IFT172: variants seen among roughly 807,000 people sequenced by gnomAD.
IFT172 encodes intraflagellar transport 172, also known as intraflagellar transport protein 172 homolog.
IFT172 carries 164 observed loss-of-function variants against 248.9 expected under a neutral mutation model. The observed-to-expected ratio is 0.66, with a 90% CI of 0.58 to 0.75. The LOEUF is 0.75. IFT172 is among the 30% of genes least tolerant of loss of function. IFT172 has a pLI of 0.00. For missense variants in IFT172, 1,950 were observed against 2,192.4 expected, an observed-to-expected ratio of 0.89 and a Z score of 2.21; for synonymous variants, 729 against 791.6, an observed-to-expected ratio of 0.92 and a Z score of 1.33.
rs1411593484 is a variant in IFT172, at chr2:27,448,387, CTG to C, written c.4429-467_4429-466del. Reference sequence around the variant, plus strand: ...GTGTTGGGATTACAGGCGTGAGCCACTGCGCCCGGCCAACAGTGGCAGATTAT... The same window carrying C: ...GTGTTGGGATTACAGGCGTGAGCCACCGCCCGGCCAACAGTGGCAGATTAT... On this transcript the variant is annotated intron_variant, in intron 40 of 47. Coordinates refer to ENST00000260570, the MANE Select transcript of IFT172 (RefSeq NM_015662.3). Among the ~76,000 whole-genome samples the C allele has an allele frequency of 5.2e-3, 785 of 152,372 alleles. 4 individuals carry two copies. The highest frequency in any genetic ancestry group is 0.018 in the African/African-American group (747 of 41,592).
chr2:27,454,919 G>A lies in IFT172; in HGVS notation c.3372-259C>T, dbSNP rs1435780996. Among the ~76,000 whole-genome samples, 1 of 152,164 alleles carries A rather than the reference G, an allele frequency of 6.6e-6. No individual in the cohort carries two copies. The highest frequency in any genetic ancestry group is 1.5e-5 in the Non-Finnish European group (1 of 68,012). On this transcript the variant is annotated intron_variant, in intron 30 of 47. Transcript: ENST00000260570. This position sits in a 1 kb window ranked among gnomAD's most constrained non-coding sequence, Gnocchi z 4.2. ...TTCCCTGAGGCCAGCTGCTCCTGAG[G>A]AATTAGTTTGGGCCTGCGAAGGGGA...
Position 27,485,032 on chromosome 2 carries a change from C to T in IFT172, c.282G>A (p.Lys94=), listed in dbSNP as rs749078135. Residue 94 remains lysine (K), a synonymous_variant, in exon 3 of 48, where the codon AAG becomes AAA. Transcript: ENST00000260570. ...TCTATCCTCACCAATCTTCTCCAAT[C>T]TTGTAGACATAGATGATGTTGTCAG... is the stretch of plus-strand genomic sequence containing the variant. ...GQTDNIIYVY[K]IGEDWGDKKV... The T allele has an allele frequency of 3.2e-6, 5 of 1,578,624 alleles. No individual in the cohort carries two copies. The Admixed American group carries it at 6.7e-5, about 21-fold the overall frequency.
chr2:27,467,614 A>C (rs1489676447), intron 16 of IFT172, among the ~76,000 whole-genome samples: 6 of 49,974 alleles, frequency 1.2e-4, no homozygotes, highest in Non-Finnish European at 2.3e-4. Flanking sequence ...CCCTGTCTCC[A>C]AAAAAAAAAA....
At chr2:27,486,882 ATC>A (rs1469678457) in intron 1 of IFT172, among the ~76,000 whole-genome samples, 2 of 152,020 alleles carry the variant, frequency 1.3e-5, no homozygotes, top group Non-Finnish European at 2.9e-5. Context: ...ATGAGCACAA[ATC>A]TCTGTCTTTT....
chr2:27,478,103 A>C lies in IFT172; in HGVS notation c.1059T>G (p.Tyr353Ter). 6.2e-7 allele frequency: 1 copy of C among 1,614,120 alleles called. No individual in the cohort carries two copies. Among genetic ancestry groups the C allele is most frequent in the Non-Finnish European group, 8.5e-7 (1 of 1,180,018 alleles). ...TTTTCACCTCTTCCACCTCATAGCC[A>C]TAGTGTGACTTGAGCACCACTCGGG... ...SGTRVVLKSHYGYEVEEVKIL... is the reference protein window; with the variant it reads ...SGTRVVLKSH The change falls in exon 11 of 48, where the codon TAT (tyrosine) becomes TAG (stop). Residue 353 changes from tyrosine to a stop codon, truncating the protein, a stop_gained. Coordinates refer to ENST00000260570, the MANE Select transcript of IFT172 (RefSeq NM_015662.3). LOFTEE classifies it high-confidence loss of function.
At chr2:27,449,081 C>G in intron 39 of IFT172, 50 bp from the exon 40 acceptor site, 1 of 1,195,662 alleles carries the variant, frequency 8.4e-7, no homozygotes, top group Non-Finnish European at 1.3e-6. Context: ...TCGGCAAGAC[C>G]AAGCAGTGAG....
chr2:27,483,806 A>T, intron 5 of IFT172, 66 bp downstream of exon 5: 1 of 1,469,544 alleles, frequency 6.8e-7, no homozygotes. Context: ...AGGATGAACC[A>T]TATTCCTCTC....
chr2:27,446,766 C>T (rs1365163611), intron 42 of IFT172, among the ~76,000 whole-genome samples: 3 of 138,356 alleles, frequency 2.2e-5, no homozygotes, highest in Non-Finnish European at 1.5e-5. Flanking sequence ...GTGGCGCAAT[C>T]TCGGCTCACT....
chr2:27,447,818 G>C lies in IFT172; in HGVS notation c.4533C>G (p.Phe1511Leu). The C allele has an allele frequency of 6.2e-7, 1 of 1,611,340 alleles. No homozygotes were observed. Among genetic ancestry groups the C allele is most frequent in the African/African-American group, 1.3e-5 (1 of 74,996 alleles). The change falls in exon 41 of 48, where the codon TTC (phenylalanine) becomes TTG (leucine). Residue 1511 changes from phenylalanine (F) to leucine (L), a missense_variant. Phe to Leu is a conservative substitution (Grantham distance 22, BLOSUM62 0). Transcript: ENST00000260570. ...HSWADLRDVLFNLCENLVKSS... is the reference protein window; with the variant it reads ...HSWADLRDVLLNLCENLVKSS... ...AGCCCTTTCGCTTCCTCACCAGGTT[G>C]AAGAGGACATCTCGAAGATCAGCCC...
Position 27,481,100 on chromosome 2 carries a change from G to A in IFT172, c.731C>T (p.Thr244Ile), listed in dbSNP as rs1668324002. Residue 244 changes from threonine to isoleucine, a missense_variant, in exon 8 of 48, where the codon ACC becomes ATC. By Grantham distance (89) the Thr-to-Ile change is moderately conservative. Transcript: ENST00000260570. Reference protein sequence around the residue: ...YSRDPQEREFTTAVSSPGGQS... With the variant: ...YSRDPQEREFITAVSSPGGQS... ...GCCCCCAGGACTTGATACAGCTGTG[G>A]TGAACTCCCGCTCCTGAGGGTCACG... 1 of 1,613,918 alleles carries A rather than the reference G, an allele frequency of 6.2e-7. No homozygotes were observed. Among genetic ancestry groups the A allele is most frequent in the African/African-American group, 1.3e-5 (1 of 74,898 alleles).
At chr2:27,488,565 A>G (rs1031360534) in intron 1 of IFT172, among the ~76,000 whole-genome samples, 1 of 152,110 alleles carries the variant, frequency 6.6e-6, no homozygotes, top group Non-Finnish European at 1.5e-5. Flanking sequence ...CAGACATCTT[A>G]TTCTTATTAG....
In IFT172 at chr2:27,489,615, C is replaced by G; in HGVS notation, c.39G>C (p.Gln13His). 6.2e-7 allele frequency: 1 copy of G among 1,611,912 alleles called. No individual in the cohort carries two copies. Among genetic ancestry groups the G allele is most frequent in the African/African-American group, 1.3e-5 (1 of 74,996 alleles). The change falls in exon 1 of 48, where the codon CAG becomes CAC. Residue 13 changes from glutamine to histidine, a missense_variant and splice_region_variant. By Grantham distance (24) the Gln-to-His change is conservative. Transcript: ENST00000260570. ...LKHLRTLLSP[Q>H]DGAAKVTCMA... The stretch of plus-strand genomic sequence containing the variant: ...GAGGGACTGGCACGCAATTCCTCAC[C>G]TGAGGGCTCAGCAGGGTCCTCAGGT...
In IFT172 at chr2:27,453,367, G is replaced by C; in HGVS notation, c.3951+17C>G. 3.1e-6 allele frequency: 5 copies of C among 1,614,174 alleles called. No individual in the cohort carries two copies. The highest frequency in any genetic ancestry group is 4.2e-6 in the Non-Finnish European group (5 of 1,179,998). On this transcript the variant is annotated intron_variant, in intron 35 of 47. Coordinates refer to ENST00000260570, the MANE Select transcript of IFT172 (RefSeq NM_015662.3). ...GCCTAGGGAGAAGGAGGGCCAGAAA[G>C]GGCCTGCTGTCCTCACCTTCATCCA...
intron 16 of IFT172, among the ~76,000 whole-genome samples, chr2:27,466,587 A>G (rs1667099617): frequency 1.3e-5 from 2 of 152,210 alleles, no homozygotes; most frequent in South Asian, 4.1e-4. Context: ...CAGGATTCCA[A>G]AAAAATACAT....
At position 27,483,313 on chromosome 2, in the gene IFT172, A is replaced by G; in HGVS notation, c.546T>C (p.Asp182=). The change falls in exon 7 of 48, where the codon GAT becomes GAC. Residue 182 remains aspartate, a synonymous_variant. Coordinates refer to ENST00000260570, the MANE Select transcript of IFT172 (RefSeq NM_015662.3). ...ADGTIVRYFF[D]DEGSGESQGK... is the part of the protein sequence containing the mutation. ...CCTGTGACTCTCCAGAGCCTTCATC[A>G]TCAAAGAAATACCTAACGATGGTAC... is the stretch of plus-strand genomic sequence containing the variant. The G allele has an allele frequency of 6.2e-7, 1 of 1,603,146 alleles. No individual in the cohort carries two copies. Among genetic ancestry groups the G allele is most frequent in the Non-Finnish European group, 8.5e-7 (1 of 1,169,980 alleles).
At chr2:27,476,749 A>C (rs1378927717) in intron 13 of IFT172, 23 bp from the exon 14 acceptor site, 4 of 1,496,436 alleles carry the variant, frequency 2.7e-6, no homozygotes, top group Non-Finnish European at 3.7e-6. Context: ...GGGTGAGGTA[A>C]GGCAAAATGG....
chr2:27,445,696 G>A lies in IFT172; in HGVS notation c.4914+49C>T. 1 of 1,594,444 alleles carries A rather than the reference G, an allele frequency of 6.3e-7. No homozygotes were observed. Among genetic ancestry groups the A allele is most frequent in the South Asian group, 1.1e-5 (1 of 90,536 alleles). Reference sequence around the variant, plus strand: ...GCACAAAGATATTCTCCCTCCTCAAGGCACTCACACTGGTGAGGCCTTCCG... The same window carrying A: ...GCACAAAGATATTCTCCCTCCTCAAAGCACTCACACTGGTGAGGCCTTCCG... On this transcript the variant is annotated intron_variant, in intron 45 of 47. Transcript: ENST00000260570. The surrounding 1 kb of genome is among the most constrained non-coding windows in gnomAD (Gnocchi z 4.4).
chr2:27,479,196 G>C (rs199893272), intron 10 of IFT172, among the ~76,000 whole-genome samples: 2 of 152,022 alleles, frequency 1.3e-5, no homozygotes, highest in Non-Finnish European at 2.9e-5. Flanking sequence ...TAGTAGAGAC[G>C]GGGTTTCACC....
At chr2:27,485,718 T>C (rs754914816) in intron 1 of IFT172, among the ~76,000 whole-genome samples, 4 of 152,202 alleles carry the variant, frequency 2.6e-5, no homozygotes, top group Non-Finnish European at 5.9e-5. Context: ...CATATGCAAA[T>C]GCACTAAGAG....
Sources: allele counts gnomAD v4.1 joint callset (sites outside exome capture counted in the v4.1 genomes callset), GRCh38; gene constraint gnomAD v4.1.1; non-coding constraint Gnocchi (gnomAD v3.1); transcripts MANE v1.5; gene names NCBI Gene and HGNC (gene_info 2026-07-23, HGNC 2026-07-21).